The following ADGRL3 variants were observed in gnomAD, a reference collection of about 807,000 sequenced individuals.
ADGRL3 encodes adhesion G protein-coupled receptor L3, also known as calcium-independent alpha-latrotoxin receptor 3.
ADGRL3 carries 62 observed loss-of-function variants against 153.5 expected under a neutral mutation model. That is an observed-to-expected ratio of 0.40 (90% confidence interval 0.33 to 0.50). The LOEUF (loss-of-function observed/expected upper bound fraction) is 0.50, where lower values mean the gene tolerates loss of function less well. ADGRL3 is among the 20% of genes least tolerant of loss of function. The probability of loss-of-function intolerance (pLI) is 0.47; values close to 1 mark genes in which losing one functional copy is unlikely to be tolerated. For missense variants in ADGRL3, 1,641 were observed against 1,859.4 expected, an observed-to-expected ratio of 0.88 and a Z score of 2.16; for synonymous variants, 710 against 672.5, an observed-to-expected ratio of 1.06 and a Z score of -0.86.
intron 2 of ADGRL3, among the ~76,000 whole-genome samples, chr4:61,436,613 T>C (rs189505005): frequency 6.6e-6 from 1 of 152,216 alleles, no homozygotes; most frequent in African/African-American, 2.4e-5. Context: ...AAGAAGTAAA[T>C]ACCAGGAGAC....
At chr4:61,970,958 G>T (rs2099024914) in intron 17 of ADGRL3, among the ~76,000 whole-genome samples, 1 of 151,866 alleles carries the variant, frequency 6.6e-6, no homozygotes, top group African/African-American at 2.4e-5. Context: ...TCCGAAAATA[G>T]GCTTTTTGGA....
chr4:61,627,370 T>A (rs2149952388), intron 5 of ADGRL3, among the ~76,000 whole-genome samples: 1 of 152,210 alleles, frequency 6.6e-6, no homozygotes, highest in South Asian at 2.1e-4. Flanking sequence ...TCCCAACATT[T>A]TGGGAGGCAG....
At chr4:61,946,817 T>C in intron 15 of ADGRL3, 97 bp from the exon 16 acceptor site, 2 of 899,910 alleles carry the variant, frequency 2.2e-6, no homozygotes, top group South Asian at 3.1e-5. Flanking sequence ...GGATTTTTTG[T>C]GTGAATACAT....
At position 61,497,389 on chromosome 4, in the gene ADGRL3, TCA is replaced by T. The variant is rs772839558; in HGVS notation, c.55+43_55+44del. 6.8e-6 allele frequency: 9 copies of T among 1,325,658 alleles called. No individual in the cohort carries two copies. In the Admixed American group the frequency reaches 7.9e-5, roughly 12 times the overall value. The allele number at this position is 1,325,658 out of a possible 1,614,324, so 82.1% of individuals were successfully genotyped here. A position where few individuals can be genotyped will look rare whatever the true frequency, so the allele number is the denominator to read the frequency against. On this transcript the variant is annotated intron_variant, in intron 3 of 26. Transcript: ENST00000683033. The stretch of plus-strand genomic sequence containing the variant: ...TTTTTGTGTAATGCTTAATGTTGTC[TCA>T]CTTATTCATACTGGACACTTCCTTG...
intron 25 of ADGRL3, among the ~76,000 whole-genome samples, chr4:62,047,545 A>C (rs1458173056): frequency 6.6e-6 from 1 of 152,032 alleles, no homozygotes; most frequent in Non-Finnish European, 1.5e-5. Flanking sequence ...TAGATTTCCC[A>C]ATGTGATAAA....
intron 25 of ADGRL3, among the ~76,000 whole-genome samples, chr4:62,057,908 A>G (rs949274936): frequency 6.6e-6 from 1 of 152,240 alleles, no homozygotes; most frequent in Non-Finnish European, 1.5e-5. Context: ...CGAGCTCCTG[A>G]TCTCAAGTAA....
At chr4:61,470,466 A>G (rs1395686795) in intron 2 of ADGRL3, among the ~76,000 whole-genome samples, 1 of 152,028 alleles carries the variant, frequency 6.6e-6, no homozygotes, top group African/African-American at 2.4e-5. Flanking sequence ...TCTTAAATCA[A>G]TGAAAATAAT....
At chr4:61,387,155 C>A (rs1289994698) in intron 2 of ADGRL3, among the ~76,000 whole-genome samples, 2 of 152,020 alleles carry the variant, frequency 1.3e-5, no homozygotes, top group African/African-American at 4.8e-5. Flanking sequence ...ACCCTACAAG[C>A]CACAAAAACC....
At chr4:61,208,688 G>A (rs944942378) in intron 1 of ADGRL3, among the ~76,000 whole-genome samples, 3 of 152,132 alleles carry the variant, frequency 2.0e-5, no homozygotes, top group Admixed American at 6.5e-5. Flanking sequence ...GTTAGCTTGA[G>A]CTAAGTTTGA....
intron 8 of ADGRL3, among the ~76,000 whole-genome samples, chr4:61,789,118 A>G (rs140203656): frequency 6.6e-6 from 1 of 152,256 alleles, no homozygotes; most frequent in Non-Finnish European, 1.5e-5. Context: ...TTGTTTATCT[A>G]GATTTTTTTT....
At chr4:61,318,756 T>G (rs1226599480) in intron 1 of ADGRL3, among the ~76,000 whole-genome samples, 2 of 152,206 alleles carry the variant, frequency 1.3e-5, no homozygotes, top group African/African-American at 4.8e-5. Context: ...ACCACACTTT[T>G]GCCCAGTTAT....
intron 5 of ADGRL3, among the ~76,000 whole-genome samples, chr4:61,675,346 CAG>C (rs923458300): frequency 8.6e-5 from 13 of 151,746 alleles, no homozygotes; most frequent in Non-Finnish European, 5.9e-5. Context: ...ACATAAAACA[CAG>C]GGGATAATTA....
At chr4:61,499,127 T>C (rs1278590470) in intron 3 of ADGRL3, among the ~76,000 whole-genome samples, 1 of 152,214 alleles carries the variant, frequency 6.6e-6, no homozygotes, top group Non-Finnish European at 1.5e-5. Flanking sequence ...GAATCTGGCC[T>C]GTGTTCTTAA....
chr4:61,475,052 T>G (rs943501431), intron 2 of ADGRL3, among the ~76,000 whole-genome samples: 3 of 152,144 alleles, frequency 2.0e-5, no homozygotes, highest in Admixed American at 2.0e-4. Context: ...ATCTAACAAC[T>G]ATTTTAGAAC....
intron 19 of ADGRL3, 28 bp from the exon 20 acceptor site, chr4:61,996,263 A>G: frequency 2.6e-6 from 4 of 1,530,088 alleles, no homozygotes; most frequent in Middle Eastern, 1.7e-4. Flanking sequence ...GTCCTTGAAT[A>G]CCTTCTCTCC....
At chr4:61,328,945 T>A (rs1237671861) in intron 1 of ADGRL3, among the ~76,000 whole-genome samples, 1 of 152,162 alleles carries the variant, frequency 6.6e-6, no homozygotes, top group Non-Finnish European at 1.5e-5. Context: ...GTGAATGAAA[T>A]TCATCATGGG....
intron 19 of ADGRL3, among the ~76,000 whole-genome samples, chr4:61,988,040 T>C (rs188841985): frequency 6.6e-6 from 1 of 152,246 alleles, no homozygotes; most frequent in East Asian, 1.9e-4. Context: ...TTGACAGATA[T>C]GGAGATAAAT....
intron 1 of ADGRL3, chr4:61,212,343 A>G (rs1560358990): frequency 6.6e-6 from 1 of 152,216 alleles, no homozygotes; most frequent in Non-Finnish European, 1.5e-5. Flanking sequence ...TCTGATGAGA[A>G]TATATGTTTA....
At chr4:61,980,810 C>A (rs1009856019) in intron 18 of ADGRL3, among the ~76,000 whole-genome samples, 3 of 152,168 alleles carry the variant, frequency 2.0e-5, no homozygotes, top group Non-Finnish European at 4.4e-5. Flanking sequence ...TAGCTTATTT[C>A]TTTTTAGTGC....
Sources: gnomAD v4.1 joint callset for allele counts (sites outside exome capture counted in the v4.1 genomes callset) on GRCh38, gnomAD v4.1.1 for gene constraint, MANE v1.5 for transcripts, NCBI Gene and HGNC (gene_info 2026-07-23, HGNC 2026-07-21) for gene names.